C10orf88: variants seen among roughly 807,000 people sequenced by gnomAD.
C10orf88 encodes the protein ATPase PAAT.
A neutral mutation model predicts 34.2 loss-of-function variants in C10orf88; 29 were observed. That is an observed-to-expected ratio of 0.85 (90% confidence interval 0.63 to 1.16). The LOEUF is 1.16. Ranked by LOEUF, C10orf88 falls within the 50% of genes most tolerant of loss-of-function variation. The pLI, the probability that C10orf88 is intolerant of heterozygous loss-of-function variation, is 0.00. For missense variants in C10orf88, 507 were observed against 533.2 expected (o/e 0.95, Z 0.48); for synonymous variants, 194 against 197.4 (o/e 0.98, Z 0.15).
chr10:122,948,295 C>G (rs569781114), intron 4 of C10orf88, among the ~76,000 whole-genome samples: 7 of 152,218 alleles, frequency 4.6e-5, no homozygotes, highest in African/African-American at 1.7e-4. Context: ...TTTTAGTGAG[C>G]CTTTCCTTAG....
At chr10:122,949,173 G>C (rs1402055437) in intron 3 of C10orf88, among the ~76,000 whole-genome samples, 1 of 152,134 alleles carries the variant, frequency 6.6e-6, no homozygotes, top group African/African-American at 2.4e-5. Context: ...TATCTGTGGA[G>C]AATGTGTTCT....
At chr10:122,943,588 A>C (rs1315035329) in intron 4 of C10orf88, among the ~76,000 whole-genome samples, 1 of 152,178 alleles carries the variant, frequency 6.6e-6, no homozygotes, top group Non-Finnish European at 1.5e-5. Context: ...TGAACAGGCA[A>C]CCTACAGAAT....
chr10:122,951,619 G>C (rs1848690533), intron 3 of C10orf88, among the ~76,000 whole-genome samples: 1 of 151,946 alleles, frequency 6.6e-6, no homozygotes, highest in South Asian at 2.1e-4. Context: ...TTTTAGAAAA[G>C]TAATTTCTTT....
chr10:122,936,725 C>G (rs1309536556), intron 5 of C10orf88, among the ~76,000 whole-genome samples: 1 of 151,766 alleles, frequency 6.6e-6, no homozygotes, highest in Non-Finnish European at 1.5e-5. Context: ...TAATTTCTGT[C>G]AAGACTTTTT....
At chr10:122,943,781 C>T (rs1460588731) in intron 4 of C10orf88, among the ~76,000 whole-genome samples, 3 of 152,138 alleles carry the variant, frequency 2.0e-5, no homozygotes, top group African/African-American at 7.2e-5. Flanking sequence ...AAAATGCTCA[C>T]CATCACTGGC....
chr10:122,951,336 A>G (rs955994608), intron 3 of C10orf88, among the ~76,000 whole-genome samples: 2 of 152,216 alleles, frequency 1.3e-5, no homozygotes, highest in Admixed American at 1.3e-4. Context: ...CATATTAACA[A>G]TACATTATCC....
chr10:122,954,205 A>C lies in C10orf88; in HGVS notation c.-27T>G. On this transcript the variant is annotated 5_prime_UTR_variant, in exon 1 of 6. Coordinates refer to ENST00000481909, the MANE Select transcript of C10orf88 (RefSeq NM_024942.4). ...CCGCCGCCTTCAGTCAGGCCAGCCC[A>C]GCCCCGGAACCTCTCTTCCAGTGCT... is the stretch of plus-strand genomic sequence containing the variant. 6.6e-7 allele frequency: 1 copy of C among 1,520,812 alleles called. No individual in the cohort carries two copies. The highest frequency in any genetic ancestry group is 1.4e-5 in the African/African-American group (1 of 70,026). The allele number at this position is 1,520,812 out of a possible 1,614,324, so 94.2% of individuals were successfully genotyped here. A position where few individuals can be genotyped will look rare whatever the true frequency, so the allele number is the denominator to read the frequency against.
At position 122,932,621 on chromosome 10, in the gene C10orf88, G is replaced by T. The variant is rs570222008; in HGVS notation, c.1144C>A (p.Leu382Ile). ...QSICSYLEKI[L>I]SKNMELMEKK... is the part of the protein sequence containing the mutation. ...TCCATCAGTTCCATATTTTTAGAAA[G>T]AATCTTTTCCAAGTAGGAGCAAATA... The change falls in exon 6 of 6, where the codon CTT (leucine) becomes ATT (isoleucine). Residue 382 changes from leucine (L) to isoleucine (I), a missense_variant. Leu to Ile is a conservative substitution (Grantham distance 5). Coordinates refer to ENST00000481909, the MANE Select transcript of C10orf88 (RefSeq NM_024942.4). 1 of 1,612,778 alleles carries T rather than the reference G, an allele frequency of 6.2e-7. No homozygotes were observed. Among genetic ancestry groups the T allele is most frequent in the Admixed American group, 1.7e-5 (1 of 59,912 alleles).
chr10:122,939,913 T>A (rs1187526385), intron 4 of C10orf88, among the ~76,000 whole-genome samples: 1 of 151,976 alleles, frequency 6.6e-6, no homozygotes, highest in East Asian at 1.9e-4. Context: ...ATTCTGTTTA[T>A]AAGAATTCAC....
intron 5 of C10orf88, among the ~76,000 whole-genome samples, chr10:122,933,022 C>T (rs1459903615): frequency 6.6e-6 from 1 of 152,188 alleles, no homozygotes; most frequent in African/African-American, 2.4e-5. Flanking sequence ...CCCCAACCAA[C>T]TCTATAAAGT....
At chr10:122,948,968 A>G (rs1173919249) in intron 3 of C10orf88, 113 bp from the exon 4 acceptor site, 1 of 947,894 alleles carries the variant, frequency 1.1e-6, no homozygotes, top group African/African-American at 1.7e-5. Context: ...CTAAAAATTA[A>G]CTTCAAGTAT....
chr10:122,940,707 T>C (rs532455972), intron 4 of C10orf88, among the ~76,000 whole-genome samples: 1 of 152,194 alleles, frequency 6.6e-6, no homozygotes, highest in African/African-American at 2.4e-5. Flanking sequence ...TGGTAGCTAA[T>C]CCTTTATTTC....
At chr10:122,950,381 T>C (rs924406341) in intron 3 of C10orf88, among the ~76,000 whole-genome samples, 1 of 152,294 alleles carries the variant, frequency 6.6e-6, no homozygotes, top group African/African-American at 2.4e-5. Context: ...TTCCCTGAAA[T>C]AACCCTTTGC....
chr10:122,937,789 C>T lies in C10orf88; in HGVS notation c.1019G>A (p.Ser340Asn). ...ELLPFLQNLC[S>N]QVNHLHVGNK... ...TCCCACATGGAGATGATTAACTTGA[C>T]TACATAAATTCTGGAGAAAAGGCAG... The change falls in exon 5 of 6, where the codon AGT (serine) becomes AAT (asparagine). Residue 340 changes from serine (S) to asparagine (N), a missense_variant. Physicochemically the swap from Ser to Asn is conservative, Grantham distance 46 (BLOSUM62 1). Coordinates refer to ENST00000481909, the MANE Select transcript of C10orf88 (RefSeq NM_024942.4). The T allele has an allele frequency of 6.2e-7, 1 of 1,613,136 alleles. No individual in the cohort carries two copies. Among genetic ancestry groups the T allele is most frequent in the East Asian group, 2.2e-5 (1 of 44,852 alleles).
At chr10:122,953,696 T>C (rs74159930) in intron 1 of C10orf88, among the ~76,000 whole-genome samples, 2 of 152,170 alleles carry the variant, frequency 1.3e-5, no homozygotes, top group African/African-American at 2.4e-5. Context: ...ACAGGAGGTG[T>C]CTTGTTTGAG....
At position 122,952,910 on chromosome 10, in the gene C10orf88, G is replaced by A. The variant is rs376157471; in HGVS notation, c.287C>T (p.Ala96Val). ...TCCTAAGTACACTTCCATATTTCTT[G>A]CTGAACTTAAAATGCCAATAGAAGC... ...EIASIGILSS[A>V]RNMEVYLGEE... Residue 96 changes from alanine to valine, a missense_variant, in exon 2 of 6, where the codon GCA (alanine) becomes GTA (valine). By Grantham distance (64) the Ala-to-Val change is moderately conservative (BLOSUM62 0). Transcript: ENST00000481909. 1.9e-6 allele frequency: 3 copies of A among 1,613,934 alleles called. No homozygotes were observed. Among genetic ancestry groups the A allele is most frequent in the Non-Finnish European group, 2.5e-6 (3 of 1,179,982 alleles).
At chr10:122,936,430 G>GCCCT (rs1431589401) in intron 5 of C10orf88, among the ~76,000 whole-genome samples, 1 of 151,626 alleles carries the variant, frequency 6.6e-6, no homozygotes, top group East Asian at 1.9e-4. Context: ...GATTTTGTTT[G>GCCCT]CTTGTTTTCA....
At chr10:122,933,802 T>C (rs1036860256) in intron 5 of C10orf88, among the ~76,000 whole-genome samples, 7 of 152,226 alleles carry the variant, frequency 4.6e-5, no homozygotes, top group African/African-American at 1.2e-4. Context: ...TAATTCAATA[T>C]ACATGATAAT....
chr10:122,932,636 A>G lies in C10orf88; in HGVS notation c.1129T>C (p.Tyr377His). The G allele has an allele frequency of 6.2e-7, 1 of 1,609,906 alleles. No individual in the cohort carries two copies. Among genetic ancestry groups the G allele is most frequent in the Non-Finnish European group, 8.5e-7 (1 of 1,177,762 alleles). ...TTTTTAGAAAGAATCTTTTCCAAGT[A>G]GGAGCAAATAGATTGCTCTTCCATT... ...VGMEEQSICSYLEKILSKNME... is the reference protein window; with the variant it reads ...VGMEEQSICSHLEKILSKNME... Residue 377 changes from tyrosine (Y) to histidine (H), a missense_variant, in exon 6 of 6, where the codon TAC becomes CAC. Coordinates refer to ENST00000481909, the MANE Select transcript of C10orf88 (RefSeq NM_024942.4).
Sources: gnomAD v4.1 joint callset for allele counts (sites outside exome capture counted in the v4.1 genomes callset) on GRCh38, gnomAD v4.1.1 for gene constraint, MANE v1.5 for transcripts, NCBI Gene and HGNC (gene_info 2026-07-23, HGNC 2026-07-21) for gene names.